Variants in SH3RF3 observed in about 807,000 individuals in gnomAD.
The protein encoded by SH3RF3 is E3 ubiquitin-protein ligase SH3RF3.
SH3RF3 carries 29 observed loss-of-function variants against 66.3 expected under a neutral mutation model. That is an observed-to-expected ratio of 0.44 (90% confidence interval 0.33 to 0.60). SH3RF3 has a LOEUF of 0.60. Ranked by LOEUF, SH3RF3 falls within the 20% of genes least tolerant of loss-of-function variation. SH3RF3 has a pLI of 0.04. For missense variants in SH3RF3, 1,194 were observed against 1,190.9 expected, an observed-to-expected ratio of 1.00 and a Z score of -0.04; for synonymous variants, 583 against 532.0, an observed-to-expected ratio of 1.10 and a Z score of -1.32.
intron 1 of SH3RF3, among the ~76,000 whole-genome samples, chr2:109,268,592 G>T (rs1055551968): frequency 4.6e-5 from 7 of 152,242 alleles, no homozygotes; most frequent in Admixed American, 4.6e-4. Context: ...CCAGGGAGAG[G>T]TCCCCCACTG....
chr2:109,474,781 G>A (rs1678634742), intron 8 of SH3RF3, among the ~76,000 whole-genome samples: 2 of 152,196 alleles, frequency 1.3e-5, no homozygotes, highest in African/African-American at 2.4e-5. Context: ...GCACACCCTG[G>A]GACAGGAAGC....
At chr2:109,452,885 G>T (rs1320537675) in intron 8 of SH3RF3, among the ~76,000 whole-genome samples, 1 of 144,358 alleles carries the variant, frequency 6.9e-6, no homozygotes, top group East Asian at 2.0e-4. Flanking sequence ...CAGGAGGCTG[G>T]TCCCAGGAGG....
intron 1 of SH3RF3, among the ~76,000 whole-genome samples, chr2:109,157,417 A>C (rs1011208068): frequency 6.6e-6 from 1 of 152,240 alleles, no homozygotes. Context: ...GAATATGTGT[A>C]ATGTTGCCTT....
chr2:109,183,592 A>C (rs1213946399), intron 1 of SH3RF3, among the ~76,000 whole-genome samples: 1 of 57,140 alleles, frequency 1.8e-5, no homozygotes, highest in Non-Finnish European at 3.2e-5. Context: ...CTTAACTTTT[A>C]TTTTTGAGAT....
chr2:109,203,695 C>G (rs897567028), intron 1 of SH3RF3, among the ~76,000 whole-genome samples: 1 of 152,134 alleles, frequency 6.6e-6, no homozygotes, highest in Non-Finnish European at 1.5e-5. Context: ...GCACTTCCAC[C>G]CCCTGGGCCT....
At chr2:109,444,414 G>C (rs916690999) in intron 7 of SH3RF3, among the ~76,000 whole-genome samples, 3 of 152,232 alleles carry the variant, frequency 2.0e-5, no homozygotes, top group Admixed American at 6.5e-5. Context: ...AGCAGGCCTT[G>C]TTGGGTGACT....
At chr2:109,312,243 T>G (rs754865772) in intron 1 of SH3RF3, among the ~76,000 whole-genome samples, 4 of 152,190 alleles carry the variant, frequency 2.6e-5, no homozygotes, top group Non-Finnish European at 5.9e-5. Flanking sequence ...GAGGGACAAA[T>G]GTACCTCAGA....
At chr2:109,376,348 A>G (rs1035511332) in intron 3 of SH3RF3, among the ~76,000 whole-genome samples, 5 of 152,190 alleles carry the variant, frequency 3.3e-5, no homozygotes, top group Non-Finnish European at 5.9e-5. Flanking sequence ...TTTAAGGAGC[A>G]TTGTCAGGAA....
intron 1 of SH3RF3, among the ~76,000 whole-genome samples, chr2:109,215,550 G>T (rs112433258): frequency 1.3e-5 from 2 of 152,098 alleles, no homozygotes; most frequent in Non-Finnish European, 2.9e-5. Context: ...GGTTCCTCTC[G>T]GGAGAGCCCC....
At chr2:109,303,311 G>GCTTT (rs1681514633) in intron 1 of SH3RF3, among the ~76,000 whole-genome samples, 1 of 152,228 alleles carries the variant, frequency 6.6e-6, no homozygotes, top group Non-Finnish European at 1.5e-5. Context: ...TGTGAGGAAA[G>GCTTT]AGCTTGCCTC....
intron 3 of SH3RF3, among the ~76,000 whole-genome samples, chr2:109,376,558 C>T (rs1279323545): frequency 6.6e-6 from 1 of 152,230 alleles, no homozygotes; most frequent in Non-Finnish European, 1.5e-5. Context: ...TGATGAAAGA[C>T]AGTAGACACA....
intron 1 of SH3RF3, among the ~76,000 whole-genome samples, chr2:109,345,776 T>C (rs749783500): frequency 6.6e-6 from 1 of 152,236 alleles, no homozygotes; most frequent in Non-Finnish European, 1.5e-5. Flanking sequence ...TTTGTAAATT[T>C]AACCAAACAG....
rs934807129 is a variant in SH3RF3, at chr2:109,200,955, C to G, written c.573+70842C>G. 3.5e-4 allele frequency among the ~76,000 whole-genome samples: 53 copies of G among 152,284 alleles called. 1 individual carries two copies. Among genetic ancestry groups the G allele is most frequent in the African/African-American group, 1.2e-3 (50 of 41,564 alleles). On this transcript the variant is annotated intron_variant, in intron 1 of 9. Transcript: ENST00000309415. ...GTGCAGACCTCGCAGTGGCCCGGGG[C>G]CCACCCACACTGGCACCCGGGCTGC... is the stretch of plus-strand genomic sequence containing the variant.
At chr2:109,313,540 T>C (rs1003308301) in intron 1 of SH3RF3, 2 of 154,892 alleles carry the variant, frequency 1.3e-5, no homozygotes, top group African/African-American at 4.8e-5. Flanking sequence ...GTCTTAAGCA[T>C]CACTGAGGAA....
chr2:109,486,654 A>AT (rs1456349423), intron 8 of SH3RF3, among the ~76,000 whole-genome samples: 1 of 152,122 alleles, frequency 6.6e-6, no homozygotes, highest in Non-Finnish European at 1.5e-5. Context: ...GGTGGTGGGG[A>AT]TGCAGAGCCG....
chr2:109,213,743 G>A (rs1679045600), intron 1 of SH3RF3, among the ~76,000 whole-genome samples: 1 of 152,196 alleles, frequency 6.6e-6, no homozygotes, highest in Admixed American at 6.5e-5. Flanking sequence ...GGGGAACGTG[G>A]GGATGGTTTT....
chr2:109,398,504 G>A lies in SH3RF3; in HGVS notation c.946-86G>A, dbSNP rs11884441. The A allele has an allele frequency of 0.012, 14,229 of 1,214,994 alleles. 1,200 individuals are homozygous for A. The African/African-American group carries it at 0.19, about 16-fold the overall frequency. 75.3% of individuals were successfully genotyped at this position (1,214,994 alleles called of 1,614,324 possible). A position where few individuals can be genotyped will look rare whatever the true frequency, so the allele number is the denominator to read the frequency against. ...TTGAATGCATTGCCAGTTTGTGAAT[G>A]GAAATGTGGCCTGGAGAGTGCAGAG... On this transcript the variant is annotated intron_variant, in intron 3 of 9. Transcript: ENST00000309415.
At chr2:109,365,989 C>A (rs769633078) in intron 2 of SH3RF3, among the ~76,000 whole-genome samples, 2 of 152,108 alleles carry the variant, frequency 1.3e-5, no homozygotes, top group Non-Finnish European at 2.9e-5. Context: ...TTGCTTTCTT[C>A]CTGAATTTGT....
chr2:109,212,225 T>C (rs963070591), intron 1 of SH3RF3, among the ~76,000 whole-genome samples: 6 of 152,170 alleles, frequency 3.9e-5, no homozygotes, highest in African/African-American at 1.4e-4. Context: ...CTTCCTCCTC[T>C]TCTTGACTCC....
Sources: gnomAD v4.1 joint callset for allele counts (sites outside exome capture counted in the v4.1 genomes callset) on GRCh38, gnomAD v4.1.1 for gene constraint, MANE v1.5 for transcripts, NCBI Gene and HGNC (gene_info 2026-07-23, HGNC 2026-07-21) for gene names.